The following TTC7B variants were observed in gnomAD, a reference collection of about 807,000 sequenced individuals.
The protein encoded by TTC7B is tetratricopeptide repeat protein 7B.
Under a neutral mutation model 106.8 loss-of-function variants are expected in TTC7B, and 28 were observed. The observed-to-expected ratio is 0.26, with a 90% CI of 0.19 to 0.36. The LOEUF is 0.36. Ranked by LOEUF, TTC7B falls within the 10% of genes least tolerant of loss-of-function variation. TTC7B has a pLI of 1.00. For missense variants in TTC7B, 862 were observed against 1,076.4 expected (o/e 0.80, Z 2.79); for synonymous variants, 405 against 430.6 (o/e 0.94, Z 0.74).
At chr14:90,643,281 G>A (rs1290606423) in intron 15 of TTC7B, among the ~76,000 whole-genome samples, 1 of 151,918 alleles carries the variant, frequency 6.6e-6, no homozygotes, top group Admixed American at 6.6e-5. Context: ...GGTGGCAGGC[G>A]CCTGTAGTCC....
intron 18 of TTC7B, among the ~76,000 whole-genome samples, chr14:90,590,237 C>G (rs1412585102): frequency 6.6e-6 from 1 of 152,204 alleles, no homozygotes; most frequent in East Asian, 1.9e-4. Flanking sequence ...TGTCCCCTTA[C>G]AAAGCAGCTG....
At chr14:90,605,666 C>A in intron 17 of TTC7B, 1 of 1,288,706 alleles carries the variant, frequency 7.8e-7, no homozygotes, top group Non-Finnish European at 1.0e-6. Context: ...ACAAAGGTAT[C>A]GGGTTTGGGA....
At chr14:90,558,138 A>C (rs1566768611) in intron 19 of TTC7B, among the ~76,000 whole-genome samples, 1 of 152,360 alleles carries the variant, frequency 6.6e-6, no homozygotes, top group East Asian at 1.9e-4. Context: ...CCCAGGGTCC[A>C]CTTGGGAAGG....
intron 17 of TTC7B, among the ~76,000 whole-genome samples, chr14:90,594,806 T>A (rs1892134804): frequency 6.6e-6 from 1 of 152,232 alleles, no homozygotes; most frequent in Non-Finnish European, 1.5e-5. Context: ...ACCCATCATC[T>A]ATAAATTTAA....
chr14:90,766,424 G>T, intron 3 of TTC7B: 1 of 557,858 alleles, frequency 1.8e-6, no homozygotes, highest in Non-Finnish European at 3.2e-6. Flanking sequence ...TCAAGAAAAT[G>T]ATGTATGAAC....
intron 13 of TTC7B, among the ~76,000 whole-genome samples, chr14:90,650,995 C>A (rs1196786380): frequency 1.3e-5 from 2 of 152,228 alleles, no homozygotes; most frequent in African/African-American, 4.8e-5. Flanking sequence ...GCTATATCTG[C>A]AACCCCATCC....
chr14:90,667,053 C>T (rs146522093), intron 9 of TTC7B, among the ~76,000 whole-genome samples: 1,827 of 152,320 alleles, frequency 0.012, 20 homozygotes, highest in Middle Eastern at 0.068. Context: ...TCCTCAATTG[C>T]CTCTCACCTT....
chr14:90,765,022 G>A (rs1443964203), intron 3 of TTC7B, among the ~76,000 whole-genome samples: 1 of 152,148 alleles, frequency 6.6e-6, no homozygotes, highest in Non-Finnish European at 1.5e-5. Flanking sequence ...GTTCATAGCA[G>A]CATTATTAAT....
At chr14:90,679,113 G>A (rs1886948746) in intron 8 of TTC7B, among the ~76,000 whole-genome samples, 1 of 152,104 alleles carries the variant, frequency 6.6e-6, no homozygotes, top group African/African-American at 2.4e-5. Context: ...ATTGCACCAA[G>A]GCAAGTAGAG....
rs1305927031 is a variant in TTC7B at position 90,790,624 on chromosome 14, G to T, written c.122-4296C>A. On this transcript the variant is annotated intron_variant, in intron 1 of 19. Coordinates refer to ENST00000328459, the MANE Select transcript of TTC7B (RefSeq NM_001010854.2). The stretch of plus-strand genomic sequence containing the variant: ...ACCCCTCCTCGCCTCCCTGCCACAG[G>T]GACCCTGCATCTGAAAATGGCTCCT... Among the ~76,000 whole-genome samples the T allele has an allele frequency of 2.0e-5, 3 of 151,948 alleles. No homozygotes were observed. In the East Asian group the frequency reaches 5.8e-4, roughly 29 times the overall value.
intron 4 of TTC7B, among the ~76,000 whole-genome samples, chr14:90,738,535 A>T: frequency 6.6e-6 from 1 of 151,976 alleles, no homozygotes; most frequent in Non-Finnish European, 1.5e-5. Context: ...TGAACCCGGG[A>T]GGCGGAGGTT....
intron 11 of TTC7B, among the ~76,000 whole-genome samples, chr14:90,655,765 G>C (rs1441834132): frequency 6.6e-6 from 1 of 152,086 alleles, no homozygotes. Flanking sequence ...TGGGTGATAA[G>C]ACACTGGAGT....
chr14:90,698,310 T>A (rs558547853), intron 5 of TTC7B: 1 of 152,358 alleles, frequency 6.6e-6, no homozygotes, highest in South Asian at 2.1e-4. Context: ...GATAACCCAA[T>A]TTGAGAGAGG....
At chr14:90,553,494 C>A (rs1890174971) in intron 19 of TTC7B, among the ~76,000 whole-genome samples, 1 of 152,202 alleles carries the variant, frequency 6.6e-6, no homozygotes, top group African/African-American at 2.4e-5. Flanking sequence ...CTCCAGGGAC[C>A]AGGAGCTTGT....
chr14:90,761,739 A>C (rs1444184593), intron 3 of TTC7B, among the ~76,000 whole-genome samples: 2 of 152,176 alleles, frequency 1.3e-5, no homozygotes, highest in East Asian at 3.8e-4. Context: ...TAAGCTAAAA[A>C]TTTCACTGTC....
chr14:90,602,427 C>T (rs190685089), intron 17 of TTC7B, among the ~76,000 whole-genome samples: 13 of 152,308 alleles, frequency 8.5e-5, no homozygotes, highest in African/African-American at 2.9e-4. Context: ...TTAGGCTGGG[C>T]GTGATGGCTC....
intron 18 of TTC7B, among the ~76,000 whole-genome samples, chr14:90,586,533 C>G (rs1277778017): frequency 6.6e-6 from 1 of 152,138 alleles, no homozygotes; most frequent in Non-Finnish European, 1.5e-5. Flanking sequence ...GCCTTCCAAA[C>G]TGCTGGGATT....
At chr14:90,772,941 C>A (rs897476123) in intron 3 of TTC7B, 1 of 152,094 alleles carries the variant, frequency 6.6e-6, no homozygotes, top group African/African-American at 2.4e-5. Context: ...CGGAGCGTGA[C>A]CCTGTTTCAA....
At chr14:90,731,872 T>A (rs79037248) in intron 4 of TTC7B, among the ~76,000 whole-genome samples, 1 of 152,182 alleles carries the variant, frequency 6.6e-6, no homozygotes, top group East Asian at 1.9e-4. Flanking sequence ...CATATCCAAC[T>A]GCTGCACTTG....
Sources: allele counts gnomAD v4.1 joint callset (sites outside exome capture counted in the v4.1 genomes callset), GRCh38; gene constraint gnomAD v4.1.1; transcripts MANE v1.5; gene names NCBI Gene and HGNC (gene_info 2026-07-23, HGNC 2026-07-21).